The following CLYBL variants were observed in gnomAD, a reference collection of about 807,000 sequenced individuals.
The protein encoded by CLYBL is citramalyl-CoA lyase.
Under a neutral mutation model 38.9 loss-of-function variants are expected in CLYBL, and 31 were observed. The ratio of observed to expected loss-of-function variants is 0.80; its 90% CI spans 0.60 to 1.08. The LOEUF is 1.08. CLYBL is among the 50% of genes least tolerant of loss of function. The probability of loss-of-function intolerance (pLI) is 0.00; values close to 1 mark genes in which losing one functional copy is unlikely to be tolerated. For synonymous variants in CLYBL, 171 were observed against 158.6 expected, an observed-to-expected ratio of 1.08 and a Z score of -0.59; for missense variants, 434 against 411.6, an observed-to-expected ratio of 1.05 and a Z score of -0.47.
chr13:99,709,581 C>A (rs909970376), intron 1 of CLYBL, among the ~76,000 whole-genome samples: 1 of 152,202 alleles, frequency 6.6e-6, no homozygotes, highest in African/African-American at 2.4e-5. Flanking sequence ...AGTTCCCTGG[C>A]TGTTTCATTC....
At chr13:99,860,341 T>C (rs939536756) in intron 3 of CLYBL, among the ~76,000 whole-genome samples, 14 of 152,288 alleles carry the variant, frequency 9.2e-5, no homozygotes, top group African/African-American at 3.1e-4. Flanking sequence ...TTAAAATTAT[T>C]ATATGTAGCT....
chr13:99,778,656 T>TA (rs2049573455), intron 2 of CLYBL, among the ~76,000 whole-genome samples: 1 of 152,164 alleles, frequency 6.6e-6, no homozygotes, highest in Non-Finnish European at 1.5e-5. Flanking sequence ...GCACGGATGA[T>TA]AAAAAAGACT....
intron 1 of CLYBL, among the ~76,000 whole-genome samples, chr13:99,719,448 C>T (rs985533170): frequency 7.2e-4 from 110 of 151,800 alleles, no homozygotes; most frequent in African/African-American, 2.5e-3. Context: ...CCATGTCCAG[C>T]CAAGAACCTG....
At chr13:99,690,832 C>G (rs942788971) in intron 1 of CLYBL, 1 of 152,148 alleles carries the variant, frequency 6.6e-6, no homozygotes, top group African/African-American at 2.4e-5. Context: ...TGACATTTTC[C>G]CTTTCAGTTT....
intron 1 of CLYBL, among the ~76,000 whole-genome samples, chr13:99,692,277 G>GTTTTTTTTTTTTTTTT (rs113949110): frequency 8.2e-6 from 1 of 121,864 alleles, no homozygotes; most frequent in Non-Finnish European, 1.9e-5. Context: ...GTTCACATTT[G>GTTTTTTTTTTTTTTTT]TTTTTTTTGT....
intron 1 of CLYBL, among the ~76,000 whole-genome samples, chr13:99,689,033 T>C (rs1469798112): frequency 6.6e-6 from 1 of 152,116 alleles, no homozygotes; most frequent in Non-Finnish European, 1.5e-5. Context: ...GGACTCTCAA[T>C]AAAACCGGCC....
chr13:99,832,723 G>A (rs2050830296), intron 2 of CLYBL, among the ~76,000 whole-genome samples: 1 of 151,860 alleles, frequency 6.6e-6, no homozygotes, highest in Non-Finnish European at 1.5e-5. Context: ...TAGGAACTTG[G>A]CTTTCATATT....
intron 1 of CLYBL, among the ~76,000 whole-genome samples, chr13:99,744,822 C>T (rs1474834785): frequency 2.0e-5 from 3 of 152,194 alleles, no homozygotes; most frequent in Non-Finnish European, 4.4e-5. Flanking sequence ...AGCTGCATCC[C>T]AGGTAGTAGG....
rs1332559380 is a variant in CLYBL, at chr13:99,858,909, G to T, written c.298G>T (p.Gly100Cys). Residue 100 changes from glycine (G) to cysteine (C), a missense_variant, in exon 3 of 9, where the codon GGC becomes TGC. Coordinates refer to ENST00000339105, the MANE Select transcript of CLYBL (RefSeq NM_206808.5). Reference protein sequence around the residue: ...IVKTLEDIDLGPTEKCVRVNS... With the variant: ...IVKTLEDIDLCPTEKCVRVNS... ...AAAAACTCTTGAAGACATTGATCTGGGCCCTACTGAAAAATGTGTGAGAGT... is the reference window on the plus strand; with the variant it reads ...AAAAACTCTTGAAGACATTGATCTGTGCCCTACTGAAAAATGTGTGAGAGT... The T allele has an allele frequency of 6.2e-7, 1 of 1,613,804 alleles. No individual in the cohort carries two copies. Among genetic ancestry groups the T allele is most frequent in the Admixed American group, 1.7e-5 (1 of 60,002 alleles).
At position 99,760,676 on chromosome 13, in the gene CLYBL, T is replaced by A. The variant is rs548807350; in HGVS notation, c.63-12148T>A. Among the ~76,000 whole-genome samples, 11 of 152,374 alleles carry A rather than the reference T, an allele frequency of 7.2e-5. No homozygotes were observed. In the South Asian group the frequency reaches 2.3e-3, roughly 32 times the overall value. On this transcript the variant is annotated intron_variant, in intron 1 of 8. Coordinates refer to ENST00000339105, the MANE Select transcript of CLYBL (RefSeq NM_206808.5). ...ATGAAAAATCTGCTGATCATCTTACTGAAGATACCTTGTATGTGATGATTT... is the reference window on the plus strand; with the variant it reads ...ATGAAAAATCTGCTGATCATCTTACAGAAGATACCTTGTATGTGATGATTT...
At chr13:99,877,762 C>T (rs541933194) in intron 7 of CLYBL, 11 of 219,686 alleles carry the variant, frequency 5.0e-5, no homozygotes, top group Non-Finnish European at 7.3e-5. Flanking sequence ...TTAGTAGAGA[C>T]GGTGTTTCAC....
intron 1 of CLYBL, among the ~76,000 whole-genome samples, chr13:99,651,678 T>A (rs145793675): frequency 0.042 from 6,461 of 152,214 alleles, 342 homozygotes; most frequent in African/African-American, 0.14. Flanking sequence ...ACGCCTGTAA[T>A]CCCAACACTT....
chr13:99,700,443 TCAAAA>T (rs1019081500), intron 1 of CLYBL, among the ~76,000 whole-genome samples: 7 of 152,054 alleles, frequency 4.6e-5, no homozygotes, highest in African/African-American at 7.2e-5. Flanking sequence ...AAACTCCATC[TCAAAA>T]CAAAACAAAA....
chr13:99,809,427 C>T (rs1188524058), intron 2 of CLYBL, among the ~76,000 whole-genome samples: 1 of 152,214 alleles, frequency 6.6e-6, no homozygotes, highest in Non-Finnish European at 1.5e-5. Flanking sequence ...TCCAGAGGCA[C>T]TTCATTTGGA....
intron 1 of CLYBL, among the ~76,000 whole-genome samples, chr13:99,647,424 GC>G (rs1321638623): frequency 2.7e-5 from 4 of 150,012 alleles, no homozygotes; most frequent in Admixed American, 1.3e-4. Context: ...TCTGTCACAC[GC>G]CCCCCCGGCC....
chr13:99,837,004 C>T (rs1467340207), intron 2 of CLYBL, among the ~76,000 whole-genome samples: 1 of 151,758 alleles, frequency 6.6e-6, no homozygotes, highest in Non-Finnish European at 1.5e-5. Flanking sequence ...CAAACCTGCA[C>T]GTTGTGCACA....
At chr13:99,776,253 G>C (rs1247349868) in intron 2 of CLYBL, among the ~76,000 whole-genome samples, 1 of 151,566 alleles carries the variant, frequency 6.6e-6, no homozygotes, top group Non-Finnish European at 1.5e-5. Context: ...CCAGCACTCT[G>C]GGAGGCCGAG....
At chr13:99,852,704 A>G (rs1006220372) in intron 2 of CLYBL, among the ~76,000 whole-genome samples, 1 of 144,596 alleles carries the variant, frequency 6.9e-6, no homozygotes, top group Admixed American at 7.1e-5. Context: ...TCAGCTCCAA[A>G]AATTGTCAGT....
chr13:99,840,187 C>T (rs906760614), intron 2 of CLYBL, among the ~76,000 whole-genome samples: 12 of 151,468 alleles, frequency 7.9e-5, no homozygotes, highest in East Asian at 5.8e-4. Context: ...CAGGAGACCT[C>T]GGGAACTCTG....
Sources: allele counts gnomAD v4.1 joint callset (sites outside exome capture counted in the v4.1 genomes callset), GRCh38; gene constraint gnomAD v4.1.1; transcripts MANE v1.5; gene names NCBI Gene and HGNC (gene_info 2026-07-23, HGNC 2026-07-21).